ANKS1B: variants seen among roughly 807,000 people sequenced by gnomAD.
ANKS1B encodes ankyrin repeat and sterile alpha motif domain-containing protein 1B.
In ANKS1B, 36 loss-of-function variants were observed where a neutral mutation model predicts 148.3. That is an observed-to-expected ratio of 0.24 (90% CI 0.19 to 0.32). The LOEUF (loss-of-function observed/expected upper bound fraction) is 0.32, where lower values mean the gene tolerates loss of function less well. Among genes scored for constraint, ANKS1B ranks in the 10% least tolerant of loss-of-function variants. The pLI, the probability that ANKS1B is intolerant of heterozygous loss-of-function variation, is 1.00. For synonymous variants in ANKS1B, 542 were observed against 560.8 expected, an observed-to-expected ratio of 0.97 and a Z score of 0.47; for missense variants, 1,157 against 1,542.6, an observed-to-expected ratio of 0.75 and a Z score of 4.19.
chr12:98,743,579 G>C (rs562518271), downstream of ANKS1B, among the ~76,000 whole-genome samples: 1 of 152,196 alleles, frequency 6.6e-6, no homozygotes, highest in East Asian at 1.9e-4. Context: ...TCCCGTCCCT[G>C]CTCTGGTCTA....
chr12:99,600,505 A>T (rs1455929899), intron 9 of ANKS1B, among the ~76,000 whole-genome samples: 1 of 152,028 alleles, frequency 6.6e-6, no homozygotes, highest in East Asian at 1.9e-4. Flanking sequence ...GCAGTGACTG[A>T]GAAAAGCTAC....
At chr12:98,759,372 TG>T (rs1397412379) in intron 25 of ANKS1B, among the ~76,000 whole-genome samples, 1 of 152,098 alleles carries the variant, frequency 6.6e-6, no homozygotes, top group Non-Finnish European at 1.5e-5. Context: ...CTGAATGACA[TG>T]GGGGAGTAAA....
intron 4 of ANKS1B, among the ~76,000 whole-genome samples, chr12:99,783,692 T>C (rs891224881): frequency 1.9e-4 from 29 of 151,844 alleles, no homozygotes; most frequent in African/African-American, 6.3e-4. Flanking sequence ...CCCATAGAAG[T>C]AGAGAGTAAC....
chr12:99,643,943 G>A (rs1567547985), intron 9 of ANKS1B, among the ~76,000 whole-genome samples: 1 of 152,178 alleles, frequency 6.6e-6, no homozygotes, highest in Non-Finnish European at 1.5e-5. Context: ...TCTTGACAGT[G>A]AATCTAAAAA....
At chr12:98,925,373 T>C (rs1193905267) in intron 17 of ANKS1B, among the ~76,000 whole-genome samples, 1 of 152,208 alleles carries the variant, frequency 6.6e-6, no homozygotes, top group African/African-American at 2.4e-5. Context: ...CTTGATATTT[T>C]ATTCATAAAT....
At chr12:99,443,511 T>C (rs1199505550) in intron 11 of ANKS1B, among the ~76,000 whole-genome samples, 162 bp downstream of exon 11, 1 of 152,028 alleles carries the variant, frequency 6.6e-6, no homozygotes, top group Non-Finnish European at 1.5e-5. Context: ...TATCACCAAC[T>C]TGAAAGGAAG....
chr12:99,064,153 G>A (rs1463191476), intron 16 of ANKS1B, among the ~76,000 whole-genome samples: 1 of 152,196 alleles, frequency 6.6e-6, no homozygotes, highest in Non-Finnish European at 1.5e-5. Context: ...TGAAGAAGTA[G>A]TATCTGGATA....
chr12:98,738,064 T>C (rs1487245696), intron 9 of ANKS1B, among the ~76,000 whole-genome samples: 2 of 152,132 alleles, frequency 1.3e-5, no homozygotes, highest in African/African-American at 4.8e-5. Context: ...AGTTTAACTA[T>C]AGAAGAATTA....
chr12:98,918,960 C>G (rs1406333043), intron 17 of ANKS1B, among the ~76,000 whole-genome samples: 1 of 152,134 alleles, frequency 6.6e-6, no homozygotes, highest in Non-Finnish European at 1.5e-5. Context: ...AAGACCAATA[C>G]TCACTGACAT....
intron 25 of ANKS1B, among the ~76,000 whole-genome samples, chr12:98,754,965 T>C (rs1302893542): frequency 3.0e-4 from 45 of 152,194 alleles, no homozygotes. Context: ...TCTTTTGTGA[T>C]TATGTATAGT....
intron 1 of ANKS1B, among the ~76,000 whole-genome samples, chr12:99,859,978 A>G (rs957620080): frequency 5.3e-5 from 8 of 152,208 alleles, no homozygotes; most frequent in Non-Finnish European, 1.2e-4. Context: ...TTACAATTTC[A>G]GGAATTCCCA....
At chr12:99,354,273 T>A (rs1042930476) in intron 12 of ANKS1B, among the ~76,000 whole-genome samples, 14 of 152,074 alleles carry the variant, frequency 9.2e-5, no homozygotes, top group Non-Finnish European at 1.6e-4. Flanking sequence ...TCTCATATAC[T>A]AATTCCTGGG....
intron 9 of ANKS1B, among the ~76,000 whole-genome samples, chr12:99,591,205 A>G (rs2097699770): frequency 6.6e-6 from 1 of 152,118 alleles, no homozygotes; most frequent in South Asian, 2.1e-4. Flanking sequence ...AGAGAAACCA[A>G]TGAGAATTAT....
intron 24 of ANKS1B, 96 bp downstream of exon 24, chr12:98,781,021 G>A: frequency 1.4e-6 from 1 of 710,140 alleles, no homozygotes; most frequent in Non-Finnish European, 2.3e-6. Flanking sequence ...GATGATTACA[G>A]TGGGGAGTGC....
At chr12:99,772,038 AGATTTCTTATC>A (rs2063243116) in intron 8 of ANKS1B, among the ~76,000 whole-genome samples, 1 of 152,148 alleles carries the variant, frequency 6.6e-6, no homozygotes, top group Non-Finnish European at 1.5e-5. Context: ...AAGTGACTAC[AGATTTCTTATC>A]AGAATAATGT....
At chr12:99,045,586 G>A (rs765935073) in intron 17 of ANKS1B, among the ~76,000 whole-genome samples, 9 of 152,166 alleles carry the variant, frequency 5.9e-5, no homozygotes, top group Non-Finnish European at 1.3e-4. Context: ...TTAGATATGG[G>A]GCCCTCACCT....
intron 10 of ANKS1B, among the ~76,000 whole-genome samples, chr12:99,478,505 T>C (rs1175550122): frequency 1.3e-5 from 2 of 152,082 alleles, no homozygotes; most frequent in African/African-American, 4.8e-5. Context: ...GAATGGCTTC[T>C]AGGAATACCC....
rs373349052 is a variant in ANKS1B at position 99,597,535 on chromosome 12, A to G, written c.1272+57532T>C. Among the ~76,000 whole-genome samples the G allele has an allele frequency of 1.9e-3, 283 of 152,180 alleles. 8 individuals are homozygous for G. In the South Asian group the frequency reaches 0.046, roughly 25 times the overall value. On this transcript the variant is annotated intron_variant, in intron 9 of 26. Coordinates refer to ENST00000683438, the MANE Select transcript of ANKS1B (RefSeq NM_001352186.2). Reference sequence around the variant, plus strand: ...ATTTTCTTTAAAGGACATTTGCAATAGAATAAAGTACAAAGTAATGCTGCA... The same window carrying G: ...ATTTTCTTTAAAGGACATTTGCAATGGAATAAAGTACAAAGTAATGCTGCA...
intron 11 of ANKS1B, among the ~76,000 whole-genome samples, chr12:99,405,377 A>G (rs2094507563): frequency 6.8e-6 from 1 of 146,030 alleles, no homozygotes; most frequent in South Asian, 2.1e-4. Context: ...AAACAACAAA[A>G]GTTAAAAAGT....
Sources: gnomAD v4.1 joint callset for allele counts (sites outside exome capture counted in the v4.1 genomes callset) on GRCh38, gnomAD v4.1.1 for gene constraint, MANE v1.5 for transcripts, NCBI Gene and HGNC (gene_info 2026-07-23, HGNC 2026-07-21) for gene names.